DAG1: variants seen among roughly 807,000 people sequenced by gnomAD.
DAG1 encodes dystroglycan 1, also known as dystroglycan 1 (dystrophin-associated glycoprotein 1).
Under a neutral mutation model 46.1 loss-of-function variants are expected in DAG1, and 8 were observed. The observed-to-expected ratio is 0.17, with a 90% CI of 0.10 to 0.31. The LOEUF is 0.31. DAG1 is among the 10% of genes least tolerant of loss of function. The pLI is 1.00. For missense variants in DAG1, 1,003 were observed against 1,189.9 expected (o/e 0.84, Z 2.31); for synonymous variants, 495 against 481.8 (o/e 1.03, Z -0.36).
chr3:49,501,670 A>C (rs1444295183), intron 1 of DAG1, among the ~76,000 whole-genome samples: 1 of 152,024 alleles, frequency 6.6e-6, no homozygotes, highest in East Asian at 1.9e-4. Context: ...AAAATTAGCC[A>C]AGCGTGGTGG....
intron 1 of DAG1, among the ~76,000 whole-genome samples, chr3:49,488,387 A>G (rs1441694638): frequency 6.6e-6 from 1 of 152,224 alleles, no homozygotes; most frequent in South Asian, 2.1e-4. Context: ...TCCAATGTAC[A>G]TATCCTTTGA....
chr3:49,496,603 G>A (rs1486205185), intron 1 of DAG1, among the ~76,000 whole-genome samples: 3 of 151,334 alleles, frequency 2.0e-5, no homozygotes, highest in East Asian at 3.9e-4. Flanking sequence ...CTTGTGATCC[G>A]CCTGCCTTGG....
intron 1 of DAG1, among the ~76,000 whole-genome samples, chr3:49,478,885 C>T (rs1276355724): frequency 1.5e-5 from 2 of 136,718 alleles, no homozygotes; most frequent in Non-Finnish European, 3.1e-5. Flanking sequence ...GTAATCTCGG[C>T]TCATTGCAAC....
In DAG1 at chr3:49,507,122, G is replaced by A. The variant is rs185907693; in HGVS notation, c.-116-3297G>A. On this transcript the variant is annotated intron_variant, in intron 1 of 2. Transcript: ENST00000308775. ...TTCCAGAACTTTGGGAGTCCAAGGC[G>A]GGTGGATCACTTGAGGTCAGGAGTT... 1.5e-3 allele frequency among the ~76,000 whole-genome samples: 222 copies of A among 152,206 alleles called. 5 individuals are homozygous for A. The East Asian group carries it at 0.033, about 23-fold the overall frequency.
chr3:49,520,380 G>A (rs923169717), intron 2 of DAG1, among the ~76,000 whole-genome samples: 1 of 152,212 alleles, frequency 6.6e-6, no homozygotes, highest in African/African-American at 2.4e-5. Flanking sequence ...CAGTCAGCTT[G>A]CAATGAGGAG....
At chr3:49,493,193 G>T (rs969124679) in intron 1 of DAG1, among the ~76,000 whole-genome samples, 2 of 151,448 alleles carry the variant, frequency 1.3e-5, no homozygotes, top group African/African-American at 4.9e-5. Context: ...ATAGGCATGC[G>T]TCACCACACT....
intron 1 of DAG1, among the ~76,000 whole-genome samples, chr3:49,478,540 T>TG (rs981602876): frequency 1.2e-4 from 11 of 92,552 alleles, no homozygotes; most frequent in East Asian, 6.7e-4. Context: ...TTTTTTTTTT[T>TG]TTTTTTTTTT....
intron 1 of DAG1, among the ~76,000 whole-genome samples, chr3:49,494,858 C>T (rs1349482476): frequency 6.6e-6 from 1 of 150,762 alleles, no homozygotes; most frequent in Non-Finnish European, 1.5e-5. Flanking sequence ...TGGTCTCGAT[C>T]TCTTGACCTT....
At chr3:49,480,038 C>G in intron 1 of DAG1, among the ~76,000 whole-genome samples, 1 of 148,964 alleles carries the variant, frequency 6.7e-6, no homozygotes, top group Non-Finnish European at 1.5e-5. Flanking sequence ...CAACCTCTGC[C>G]TCCCGGGTTC....
intron 1 of DAG1, among the ~76,000 whole-genome samples, chr3:49,484,378 C>T (rs2049962617): frequency 6.6e-6 from 1 of 152,048 alleles, no homozygotes; most frequent in South Asian, 2.1e-4. Flanking sequence ...ACCCCTGTCT[C>T]TTCAGAGCCC....
rs2051368544 is a variant in DAG1 at position 49,532,137 on chromosome 3, G to A, written c.1626G>A (p.Glu542=). 1 of 1,614,258 alleles carries A rather than the reference G, an allele frequency of 6.2e-7. No individual in the cohort carries two copies. The highest frequency in any genetic ancestry group is 1.3e-5 in the African/African-American group (1 of 75,078). The change falls in exon 3 of 3, where the codon GAG becomes GAA. Residue 542 remains glutamate, a synonymous_variant. Coordinates refer to ENST00000308775, the MANE Select transcript of DAG1 (RefSeq NM_004393.6). The surrounding 1 kb of genome is among the most constrained non-coding windows in gnomAD (Gnocchi z 5.4). ...DKLKLTLKLR[E]QQLVGEKSWV... ...TGAAGCTGACCCTGAAACTGCGGGAGCAGCAGCTGGTGGGCGAGAAGTCCT... is the reference window on the plus strand; with the variant it reads ...TGAAGCTGACCCTGAAACTGCGGGAACAGCAGCTGGTGGGCGAGAAGTCCT...
intron 1 of DAG1, among the ~76,000 whole-genome samples, chr3:49,479,821 TA>T (rs1007158879): frequency 1.4e-5 from 2 of 145,202 alleles, no homozygotes; most frequent in African/African-American, 5.1e-5. Flanking sequence ...TTTGTATTTT[TA>T]GTAGAGACGG....
At chr3:49,488,357 A>G (rs143981515) in intron 1 of DAG1, among the ~76,000 whole-genome samples, 187 of 152,332 alleles carry the variant, frequency 1.2e-3, no homozygotes, top group African/African-American at 4.3e-3. Context: ...ATTGAAGGAC[A>G]TTTTGCCAAA....
intron 2 of DAG1, among the ~76,000 whole-genome samples, chr3:49,525,946 G>A (rs2051159996): frequency 1.3e-5 from 2 of 149,028 alleles, no homozygotes; most frequent in Non-Finnish European, 3.0e-5. Context: ...CGCCCTCTGG[G>A]TTCAAGCGAC....
At position 49,533,592 on chromosome 3, in the gene DAG1, G is replaced by GT. The variant is rs556011918; in HGVS notation, c.*399dup. The GT allele has an allele frequency of 7.8e-6, 3 of 386,846 alleles. No individual in the cohort carries two copies. Among genetic ancestry groups the GT allele is most frequent in the East Asian group, 6.5e-5 (1 of 15,340 alleles). 24.0% of individuals were successfully genotyped at this position (386,846 alleles called of 1,614,324 possible). On this transcript the variant is annotated 3_prime_UTR_variant, in exon 3 of 3. Coordinates refer to ENST00000308775, the MANE Select transcript of DAG1 (RefSeq NM_004393.6). ...TTTTGCCTTTAACACTAACTGTACT[G>GT]TTTTTTCTATTCACGTGTGTCTAGC...
chr3:49,531,617 C>T lies in DAG1; in HGVS notation c.1106C>T (p.Thr369Ile), dbSNP rs780709869. Residue 369 changes from threonine to isoleucine, a missense_variant, in exon 3 of 3, where the codon ACC (threonine) becomes ATC (isoleucine). By Grantham distance (89) the Thr-to-Ile change is moderately conservative. Transcript: ENST00000308775. The surrounding 1 kb of genome is among the most constrained non-coding windows in gnomAD (Gnocchi z 7.0). Reference sequence around the variant, plus strand: ...CCTGTTCCTGGGAAACCCACGGTCACCATCCGGACTCGAGGCGCCATTATT... The same window carrying T: ...CCTGTTCCTGGGAAACCCACGGTCATCATCCGGACTCGAGGCGCCATTATT... ...RDPVPGKPTVTIRTRGAIIQT... is the reference protein window; with the variant it reads ...RDPVPGKPTVIIRTRGAIIQT... The T allele has an allele frequency of 6.2e-7, 1 of 1,613,088 alleles. No homozygotes were observed. The highest frequency in any genetic ancestry group is 8.5e-7 in the Non-Finnish European group (1 of 1,179,262).
At chr3:49,510,932 G>T in intron 2 of DAG1, 113 bp downstream of exon 2, 1 of 1,541,458 alleles carries the variant, frequency 6.5e-7, no homozygotes, top group Non-Finnish European at 8.7e-7. Flanking sequence ...AGTTCTTCCA[G>T]TACCCCCTTA....
intron 1 of DAG1, among the ~76,000 whole-genome samples, chr3:49,497,283 A>G (rs924164552): frequency 6.6e-6 from 1 of 152,032 alleles, no homozygotes; most frequent in African/African-American, 2.4e-5. Context: ...CTAAAAATAC[A>G]AAAATTAGCT....
intron 1 of DAG1, among the ~76,000 whole-genome samples, chr3:49,497,956 C>T (rs886166055): frequency 7.2e-5 from 11 of 152,264 alleles, no homozygotes; most frequent in East Asian, 1.9e-4. Flanking sequence ...ACCAAACCAC[C>T]GCCAGCAGAA....
Sources: gnomAD v4.1 joint callset for allele counts (sites outside exome capture counted in the v4.1 genomes callset) on GRCh38, gnomAD v4.1.1 for gene constraint, Gnocchi (gnomAD v3.1) non-coding constraint, MANE v1.5 for transcripts, NCBI Gene and HGNC (gene_info 2026-07-23, HGNC 2026-07-21) for gene names.